Variants in PDZRN3 observed in about 807,000 individuals in gnomAD.
PDZRN3 encodes the protein PDZ domain containing ring finger 3.
PDZRN3 carries 38 observed loss-of-function variants against 85.7 expected under a neutral mutation model. That is an observed-to-expected ratio of 0.44 (90% CI 0.34 to 0.58). The LOEUF (loss-of-function observed/expected upper bound fraction) is 0.58, where lower values mean the gene tolerates loss of function less well. PDZRN3 is among the 20% of genes least tolerant of loss of function. The pLI, the probability that PDZRN3 is intolerant of heterozygous loss-of-function variation, is 0.01. For missense variants in PDZRN3, 1,629 were observed against 1,506.4 expected (o/e 1.08, Z -1.35); for synonymous variants, 759 against 638.0 (o/e 1.19, Z -2.86).
At chr3:73,458,787 C>T (rs887145710) in intron 3 of PDZRN3, among the ~76,000 whole-genome samples, 23 of 151,490 alleles carry the variant, frequency 1.5e-4, no homozygotes, top group African/African-American at 5.6e-4. Flanking sequence ...GTCAGGAATT[C>T]GAGACCAGCA....
chr3:73,553,631 G>A (rs1196517351), intron 3 of PDZRN3, among the ~76,000 whole-genome samples: 1 of 151,898 alleles, frequency 6.6e-6, no homozygotes, highest in Non-Finnish European at 1.5e-5. Context: ...AAACTAAAGG[G>A]CAGCAAAGCA....
chr3:73,442,946 A>T (rs1702670839), intron 3 of PDZRN3, among the ~76,000 whole-genome samples: 1 of 152,108 alleles, frequency 6.6e-6, no homozygotes, highest in South Asian at 2.1e-4. Context: ...TTGGTATAAG[A>T]TCAGAGGCAG....
At chr3:73,580,657 A>G (rs1378090286) in intron 3 of PDZRN3, among the ~76,000 whole-genome samples, 2 of 152,222 alleles carry the variant, frequency 1.3e-5, no homozygotes, top group Admixed American at 6.5e-5. Context: ...GACTCAAGTA[A>G]CAACAGAGCC....
intron 3 of PDZRN3, among the ~76,000 whole-genome samples, chr3:73,565,314 G>C (rs2106839480): frequency 6.6e-6 from 1 of 152,030 alleles, no homozygotes; most frequent in South Asian, 2.1e-4. Flanking sequence ...ATTTTTGGTA[G>C]AGACGGGGTT....
At chr3:73,505,808 A>G (rs1048688804) in intron 3 of PDZRN3, among the ~76,000 whole-genome samples, 2 of 152,162 alleles carry the variant, frequency 1.3e-5, no homozygotes, top group Non-Finnish European at 2.9e-5. Context: ...GTGAGGAAAA[A>G]TAAGCTCTAT....
intron 3 of PDZRN3, among the ~76,000 whole-genome samples, chr3:73,540,350 A>G (rs1704890846): frequency 6.6e-6 from 1 of 152,174 alleles, no homozygotes; most frequent in Non-Finnish European, 1.5e-5. Context: ...ACAAAACCAA[A>G]AAACATGTTT....
chr3:73,602,407 T>G lies in PDZRN3; in HGVS notation c.865A>C (p.Ser289Arg). 6.2e-7 allele frequency: 1 copy of G among 1,612,250 alleles called. No individual in the cohort carries two copies. Among genetic ancestry groups the G allele is most frequent in the Non-Finnish European group, 8.5e-7 (1 of 1,178,284 alleles). The change falls in exon 3 of 10, where the codon AGT becomes CGT. Residue 289 changes from serine (S) to arginine (R), a missense_variant. By Grantham distance (110) the Ser-to-Arg change is moderately radical (BLOSUM62 -1). Transcript: ENST00000263666. ...CCTCCTTCCTTGGCTGCAGGCCCAC[T>G]GTCAACTATCTTGGATACAAAGATT... The part of the protein sequence containing the change: ...EGIFVSKIVD[S>R]GPAAKEGGLQ...
In PDZRN3 at chr3:73,394,567, G is replaced by C. The variant is rs79277137; in HGVS notation, c.1255-3451C>G. ...TGATATTGGATGAACAAATGCTGGT[G>C]AAGCACATTTCCAATAATAAAAAAG... On this transcript the variant is annotated intron_variant, in intron 5 of 9. Coordinates refer to ENST00000263666, the MANE Select transcript of PDZRN3 (RefSeq NM_015009.3). 3.8e-3 allele frequency among the ~76,000 whole-genome samples: 581 copies of C among 152,304 alleles called. 27 individuals carry two copies. In the East Asian group the frequency reaches 0.095, roughly 25 times the overall value.
intron 1 of PDZRN3, 138 bp from the exon 2 acceptor site, chr3:73,608,822 A>C (rs1702642489): frequency 1.6e-6 from 1 of 626,240 alleles, no homozygotes; most frequent in African/African-American, 1.9e-5. Flanking sequence ...AGTTTAACCA[A>C]GGAAACTTCT....
chr3:73,541,707 A>G lies in PDZRN3; in HGVS notation c.918+60647T>C, dbSNP rs1034070715. The stretch of plus-strand genomic sequence containing the variant: ...TTAGCAAAGTCTCATCTTTACCAAG[A>G]AGACTTTCTAGGTGTCTCCAAATCC... On this transcript the variant is annotated intron_variant, in intron 3 of 9. Coordinates refer to ENST00000263666, the MANE Select transcript of PDZRN3 (RefSeq NM_015009.3). Among the ~76,000 whole-genome samples, 7 of 152,348 alleles carry G rather than the reference A, an allele frequency of 4.6e-5. No individual in the cohort carries two copies. The South Asian group carries it at 1.0e-3, about 23-fold the overall frequency.
intron 3 of PDZRN3, among the ~76,000 whole-genome samples, chr3:73,511,514 C>G (rs1296192190): frequency 6.6e-6 from 1 of 152,102 alleles, no homozygotes; most frequent in Non-Finnish European, 1.5e-5. Flanking sequence ...CAAGCTTTTC[C>G]CTTCTTATTT....
At chr3:73,539,336 G>A (rs1378718879) in intron 3 of PDZRN3, among the ~76,000 whole-genome samples, 3 of 152,182 alleles carry the variant, frequency 2.0e-5, no homozygotes, top group East Asian at 1.9e-4. Context: ...AGTCATTAGA[G>A]ACAATCAGTT....
At chr3:73,431,364 A>T (rs1702427555) in intron 3 of PDZRN3, among the ~76,000 whole-genome samples, 1 of 152,198 alleles carries the variant, frequency 6.6e-6, no homozygotes, top group Admixed American at 6.5e-5. Flanking sequence ...CCTAATGAAG[A>T]GCATCTCTTT....
intron 3 of PDZRN3, among the ~76,000 whole-genome samples, chr3:73,455,744 G>A (rs7616095): frequency 0.035 from 5,322 of 152,264 alleles, 307 homozygotes; most frequent in African/African-American, 0.12. Flanking sequence ...GCAAATAAAA[G>A]CATAAAACTG....
chr3:73,549,819 T>C (rs996309262), intron 3 of PDZRN3, among the ~76,000 whole-genome samples: 2 of 152,244 alleles, frequency 1.3e-5, no homozygotes, highest in Non-Finnish European at 2.9e-5. Context: ...CAGGGAATTA[T>C]TCACATCTTA....
rs28463652 is a variant in PDZRN3 at position 73,416,869 on chromosome 3, T to G, written c.919-12474A>C. 7.3e-3 allele frequency among the ~76,000 whole-genome samples: 533 copies of G among 73,156 alleles called. 2 individuals carry two copies. Among genetic ancestry groups the G allele is most frequent in the South Asian group, 0.036 (81 of 2,252 alleles). 48.0% of individuals were successfully genotyped at this position (73,156 alleles called of 152,430 possible). A position where few individuals can be genotyped will look rare whatever the true frequency, so the allele number is the denominator to read the frequency against. On this transcript the variant is annotated intron_variant, in intron 3 of 9. Coordinates refer to ENST00000263666, the MANE Select transcript of PDZRN3 (RefSeq NM_015009.3). Reference sequence around the variant, plus strand: ...GCCTAGGTTTTTTTTTTGTTTGTTTTTTTTTGGTTTTTTTTTTTTTTTTTT... The same window carrying G: ...GCCTAGGTTTTTTTTTTGTTTGTTTGTTTTTGGTTTTTTTTTTTTTTTTTT...
chr3:73,607,542 G>C (rs1227413716), intron 2 of PDZRN3, among the ~76,000 whole-genome samples: 1 of 152,128 alleles, frequency 6.6e-6, no homozygotes, highest in East Asian at 1.9e-4. Flanking sequence ...CATGAGGGCA[G>C]GGCACACACT....
intron 3 of PDZRN3, chr3:73,433,868 T>C (rs1702480608): frequency 4.9e-6 from 7 of 1,430,894 alleles, no homozygotes; most frequent in South Asian, 1.5e-5. Flanking sequence ...AGACAACAAC[T>C]CTCTCCCCCC....
chr3:73,435,885 C>T (rs1238580134), intron 3 of PDZRN3, among the ~76,000 whole-genome samples: 1 of 152,214 alleles, frequency 6.6e-6, no homozygotes, highest in East Asian at 1.9e-4. Context: ...AACCCAAATT[C>T]TTCACCAGCG....
Sources: allele counts gnomAD v4.1 joint callset (sites outside exome capture counted in the v4.1 genomes callset), GRCh38; gene constraint gnomAD v4.1.1; transcripts MANE v1.5; gene names NCBI Gene and HGNC (gene_info 2026-07-23, HGNC 2026-07-21).